ATRNL1: variants seen among roughly 807,000 people sequenced by gnomAD.
ATRNL1 encodes the protein attractin like 1.
ATRNL1 carries 95 observed loss-of-function variants against 182.7 expected under a neutral mutation model. The observed-to-expected ratio is 0.52, with a 90% confidence interval of 0.44 to 0.62. The LOEUF (loss-of-function observed/expected upper bound fraction) is 0.62, where lower values mean the gene tolerates loss of function less well. ATRNL1 is among the 20% of genes least tolerant of loss of function. The pLI, the probability that ATRNL1 is intolerant of heterozygous loss-of-function variation, is 0.00. For missense variants in ATRNL1, 1,471 were observed against 1,679.5 expected (o/e 0.88, Z 2.17); for synonymous variants, 576 against 568.3 (o/e 1.01, Z -0.19).
intron 26 of ATRNL1, among the ~76,000 whole-genome samples, chr10:115,624,045 A>G (rs190006997): frequency 1.3e-5 from 2 of 150,710 alleles, no homozygotes; most frequent in East Asian, 1.9e-4. Flanking sequence ...ATTTGTTTCT[A>G]TACCCACATA....
intron 24 of ATRNL1, among the ~76,000 whole-genome samples, chr10:115,483,955 C>T (rs1319310226): frequency 6.6e-6 from 1 of 151,470 alleles, no homozygotes; most frequent in African/African-American, 2.4e-5. Flanking sequence ...GAGAGAGGGC[C>T]ACTACTCAAG....
intron 28 of ATRNL1, among the ~76,000 whole-genome samples, chr10:115,897,409 G>C (rs1380643162): frequency 6.6e-6 from 1 of 152,174 alleles, no homozygotes; most frequent in Non-Finnish European, 1.5e-5. Context: ...AAAGATATTT[G>C]AAGAAGTATT....
intron 28 of ATRNL1, among the ~76,000 whole-genome samples, chr10:115,942,321 G>A (rs1209225622): frequency 1.3e-5 from 2 of 152,142 alleles, no homozygotes; most frequent in South Asian, 2.1e-4. Context: ...CACTCCATTC[G>A]TTGTTTAACT....
chr10:115,895,172 A>G (rs1952175483), intron 28 of ATRNL1, among the ~76,000 whole-genome samples: 1 of 152,248 alleles, frequency 6.6e-6, no homozygotes, highest in Non-Finnish European at 1.5e-5. Context: ...AATAAAATAA[A>G]AAGAGCATTT....
intron 14 of ATRNL1, among the ~76,000 whole-genome samples, chr10:115,285,584 A>G (rs1852569936): frequency 6.6e-6 from 1 of 152,266 alleles, no homozygotes; most frequent in East Asian, 1.9e-4. Flanking sequence ...TTTGGATTCT[A>G]TAGATAAACC....
intron 19 of ATRNL1, among the ~76,000 whole-genome samples, chr10:115,382,928 G>A (rs141380121): frequency 1.0e-3 from 156 of 151,964 alleles, no homozygotes; most frequent in Middle Eastern, 6.8e-3. Flanking sequence ...AAATGTAATG[G>A]TTTGTTTTGG....
At chr10:115,382,124 G>A (rs1487611025) in intron 19 of ATRNL1, among the ~76,000 whole-genome samples, 2 of 152,128 alleles carry the variant, frequency 1.3e-5, no homozygotes, top group Non-Finnish European at 2.9e-5. Flanking sequence ...TTGAAATTGG[G>A]ATGGCTGAGT....
chr10:115,373,484 T>C (rs1385280271), intron 19 of ATRNL1, among the ~76,000 whole-genome samples: 9 of 152,200 alleles, frequency 5.9e-5, no homozygotes, highest in Admixed American at 4.6e-4. Context: ...ATGAGTATGA[T>C]GTTAGCCATG....
intron 27 of ATRNL1, among the ~76,000 whole-genome samples, chr10:115,816,453 A>G (rs750724705): frequency 1.7e-4 from 26 of 152,316 alleles, no homozygotes; most frequent in East Asian, 3.9e-4. Context: ...AAGAATTTCT[A>G]TAGATTTAAC....
intron 15 of ATRNL1, among the ~76,000 whole-genome samples, chr10:115,297,611 A>C (rs1425183979): frequency 1.3e-5 from 2 of 148,506 alleles, no homozygotes; most frequent in East Asian, 4.1e-4. Flanking sequence ...AGATTGCGCC[A>C]CTGCACTCCA....
At chr10:115,498,923 G>A (rs1170212578) in intron 24 of ATRNL1, among the ~76,000 whole-genome samples, 2 of 151,916 alleles carry the variant, frequency 1.3e-5, no homozygotes, top group African/African-American at 2.4e-5. Flanking sequence ...GAATGATAAA[G>A]TCAATTTAGT....
In ATRNL1 at chr10:115,561,707, GTGT is replaced by G. The variant is rs1853754423; in HGVS notation, c.3795+12172_3795+12174del. Among the ~76,000 whole-genome samples the G allele has an allele frequency of 2.0e-5, 3 of 147,436 alleles. No individual in the cohort carries two copies. In the South Asian group the frequency reaches 6.3e-4, roughly 31 times the overall value. ...TGTGTGTGGGTGTGTGTGTGTGGGTGTGTGTGTGTGTGTGTGTTTGTGTGGTCA... is the reference window on the plus strand; with the variant it reads ...TGTGTGTGGGTGTGTGTGTGTGGGTGGTGTGTGTGTGTGTTTGTGTGGTCA... On this transcript the variant is annotated intron_variant, in intron 26 of 28. Transcript: ENST00000355044.
chr10:115,139,081 T>C (rs1298187062), intron 5 of ATRNL1, among the ~76,000 whole-genome samples: 2 of 152,232 alleles, frequency 1.3e-5, no homozygotes, highest in Non-Finnish European at 2.9e-5. Flanking sequence ...GAGTCACCTT[T>C]GTTCCATTTC....
At chr10:115,933,421 G>T (rs72832857) in intron 28 of ATRNL1, among the ~76,000 whole-genome samples, 1,532 of 131,438 alleles carry the variant, frequency 0.012, 17 homozygotes, top group Non-Finnish European at 0.016. Context: ...CACATTTCTA[G>T]CAAGGGAGTC....
chr10:115,463,869 C>A (rs1373653450), intron 22 of ATRNL1, among the ~76,000 whole-genome samples: 1 of 151,918 alleles, frequency 6.6e-6, no homozygotes, highest in East Asian at 1.9e-4. Flanking sequence ...ATAGTAATTC[C>A]AAACCTGTGG....
At chr10:115,749,112 T>C (rs1555069975) in intron 27 of ATRNL1, among the ~76,000 whole-genome samples, 1 of 151,954 alleles carries the variant, frequency 6.6e-6, no homozygotes, top group Admixed American at 6.6e-5. Flanking sequence ...AGTTAGTTAA[T>C]GTATTGCCAA....
chr10:115,583,461 G>T (rs28846809), intron 26 of ATRNL1, among the ~76,000 whole-genome samples: 1 of 106,758 alleles, frequency 9.4e-6, no homozygotes, highest in African/African-American at 2.8e-5. Flanking sequence ...GAAGAGATCC[G>T]TCACATCCCT....
intron 19 of ATRNL1, among the ~76,000 whole-genome samples, chr10:115,359,556 T>C (rs1461861329): frequency 3.3e-5 from 5 of 151,582 alleles, no homozygotes; most frequent in Non-Finnish European, 7.4e-5. Context: ...GTATGTATTA[T>C]ATTTGCTCTG....
chr10:115,683,871 T>A lies in ATRNL1; in HGVS notation c.3796-43377T>A, dbSNP rs567400664. ...TTTTTAAGATTTAGCATAAATTACA[T>A]ACACATTAATAAAGCATATAAGCAG... is the stretch of plus-strand genomic sequence containing the variant. On this transcript the variant is annotated intron_variant, in intron 26 of 28. Transcript: ENST00000355044. Among the ~76,000 whole-genome samples, 7 of 151,924 alleles carry A rather than the reference T, an allele frequency of 4.6e-5. No homozygotes were observed. The South Asian group carries it at 1.5e-3, about 32-fold the overall frequency.
Sources: allele counts gnomAD v4.1 joint callset (sites outside exome capture counted in the v4.1 genomes callset), GRCh38; gene constraint gnomAD v4.1.1; transcripts MANE v1.5; gene names NCBI Gene and HGNC (gene_info 2026-07-23, HGNC 2026-07-21).